The following SLC35F1 variants were observed in gnomAD, a reference collection of about 807,000 sequenced individuals.
SLC35F1 encodes chromosome 6 open reading frame 169.
A neutral mutation model predicts 48.7 loss-of-function variants in SLC35F1; 14 were observed. The observed-to-expected ratio is 0.29, with a 90% CI of 0.19 to 0.45. The LOEUF is 0.45. Ranked by LOEUF, SLC35F1 falls within the 20% of genes least tolerant of loss-of-function variation. The pLI, the probability that SLC35F1 is intolerant of heterozygous loss-of-function variation, is 1.00. For missense variants in SLC35F1, 404 were observed against 500.0 expected (o/e 0.81, Z 1.83); for synonymous variants, 190 against 202.2 (o/e 0.94, Z 0.51).
rs1776890626 is a variant in SLC35F1, at chr6:117,989,534, G to C, written c.173+81635G>C. Among the ~76,000 whole-genome samples, 3 of 152,168 alleles carry C rather than the reference G, an allele frequency of 2.0e-5. No individual in the cohort carries two copies. In the South Asian group the frequency reaches 6.2e-4, roughly 31 times the overall value. On this transcript the variant is annotated intron_variant, in intron 1 of 7. Coordinates refer to ENST00000360388, the MANE Select transcript of SLC35F1 (RefSeq NM_001029858.4). ...CAAACATTTAATCTTGGGATGTTCT[G>C]AGGCCTCTTTGGTTCACCGAGGGAG... is the stretch of plus-strand genomic sequence containing the variant.
intron 3 of SLC35F1, among the ~76,000 whole-genome samples, chr6:118,238,003 A>T (rs58145257): frequency 6.6e-6 from 1 of 152,288 alleles, no homozygotes; most frequent in African/African-American, 2.4e-5. Flanking sequence ...ACTAGAAAAA[A>T]ACATTGTTTC....
At chr6:118,190,708 T>C (rs941486083) in intron 2 of SLC35F1, among the ~76,000 whole-genome samples, 1 of 152,176 alleles carries the variant, frequency 6.6e-6, no homozygotes, top group African/African-American at 2.4e-5. Flanking sequence ...TCTACTATTG[T>C]GACTATGGGG....
intron 1 of SLC35F1, among the ~76,000 whole-genome samples, chr6:118,118,467 T>A (rs1368772514): frequency 6.6e-6 from 1 of 152,198 alleles, no homozygotes; most frequent in African/African-American, 2.4e-5. Flanking sequence ...TCATTTCTTT[T>A]CCTTCTATTT....
intron 2 of SLC35F1, among the ~76,000 whole-genome samples, chr6:118,161,547 G>A (rs1774234908): frequency 6.6e-6 from 1 of 152,106 alleles, no homozygotes; most frequent in African/African-American, 2.4e-5. Context: ...AGTCTGGTGA[G>A]GTAATATTCA....
chr6:118,208,706 G>A (rs963867848), intron 2 of SLC35F1, among the ~76,000 whole-genome samples: 1 of 152,106 alleles, frequency 6.6e-6, no homozygotes, highest in Non-Finnish European at 1.5e-5. Flanking sequence ...AAACACCTCT[G>A]TTAATATTTT....
chr6:118,292,242 G>T (rs938298960), intron 7 of SLC35F1, among the ~76,000 whole-genome samples: 2 of 152,204 alleles, frequency 1.3e-5, no homozygotes, highest in Non-Finnish European at 2.9e-5. Flanking sequence ...GTGTAGCCAG[G>T]GTTAGACCCC....
intron 1 of SLC35F1, among the ~76,000 whole-genome samples, chr6:118,104,304 C>G (rs974568762): frequency 1.3e-5 from 2 of 152,142 alleles, no homozygotes; most frequent in African/African-American, 4.8e-5. Flanking sequence ...TAAGTCTGAA[C>G]AGGGCCAAAT....
intron 1 of SLC35F1, among the ~76,000 whole-genome samples, chr6:118,053,967 T>A (rs1772427110): frequency 6.6e-6 from 1 of 152,240 alleles, no homozygotes; most frequent in African/African-American, 2.4e-5. Context: ...GCCACGTTGA[T>A]AGCACTGAAA....
intron 1 of SLC35F1, among the ~76,000 whole-genome samples, chr6:117,910,015 G>C (rs1461457473): frequency 6.6e-6 from 1 of 152,024 alleles, no homozygotes; most frequent in Non-Finnish European, 1.5e-5. Context: ...ATAATATTTT[G>C]TATTGAGTAA....
At chr6:117,941,248 A>C (rs2114819962) in intron 1 of SLC35F1, among the ~76,000 whole-genome samples, 1 of 152,328 alleles carries the variant, frequency 6.6e-6, no homozygotes, top group South Asian at 2.1e-4. Context: ...CTTGAGAAAA[A>C]CCTGTATTTA....
At chr6:118,220,082 G>C (rs1021797419) in intron 2 of SLC35F1, among the ~76,000 whole-genome samples, 2 of 151,856 alleles carry the variant, frequency 1.3e-5, no homozygotes, top group African/African-American at 4.8e-5. Context: ...ACGAGTAATG[G>C]GTGCAGCACA....
At chr6:118,180,930 T>G (rs1774566377) in intron 2 of SLC35F1, among the ~76,000 whole-genome samples, 1 of 151,934 alleles carries the variant, frequency 6.6e-6, no homozygotes, top group Admixed American at 6.6e-5. Flanking sequence ...TGCAGAACCC[T>G]AAGGAGACAA....
At position 118,051,263 on chromosome 6, in the gene SLC35F1, CA is replaced by C. The variant is rs1218142089; in HGVS notation, c.174-103176del. Among the ~76,000 whole-genome samples, 6 of 152,004 alleles carry C rather than the reference CA, an allele frequency of 3.9e-5. No homozygotes were observed. The East Asian group carries it at 7.7e-4, about 20-fold the overall frequency. On this transcript the variant is annotated intron_variant, in intron 1 of 7. Coordinates refer to ENST00000360388, the MANE Select transcript of SLC35F1 (RefSeq NM_001029858.4). ...CTTAGAAACATGGTATTTAATTTTC[CA>C]AAAAAGAAGCTCAAAGTGTATTTCC...
intron 1 of SLC35F1, among the ~76,000 whole-genome samples, chr6:117,965,231 C>T (rs1776545626): frequency 6.6e-6 from 1 of 152,152 alleles, no homozygotes; most frequent in African/African-American, 2.4e-5. Flanking sequence ...TCAGTTTCCA[C>T]CACCACTGCT....
At position 118,094,318 on chromosome 6, in the gene SLC35F1, G is replaced by A. The variant is rs1435423700; in HGVS notation, c.174-60127G>A. The stretch of plus-strand genomic sequence containing the variant: ...TAATGGGACCAGATGAAGTGGGTTT[G>A]TAAAGTATGTGATAAGTAAATGATG... On this transcript the variant is annotated intron_variant, in intron 1 of 7. Coordinates refer to ENST00000360388, the MANE Select transcript of SLC35F1 (RefSeq NM_001029858.4). 2.0e-5 allele frequency among the ~76,000 whole-genome samples: 3 copies of A among 152,162 alleles called. No individual in the cohort carries two copies. The East Asian group carries it at 5.8e-4, about 29-fold the overall frequency.
Position 118,235,634 on chromosome 6 carries a change from C to T in SLC35F1, c.475C>T (p.Gln159Ter). 1 of 1,611,732 alleles carries T rather than the reference C, an allele frequency of 6.2e-7. No individual in the cohort carries two copies. The highest frequency in any genetic ancestry group is 8.5e-7 in the Non-Finnish European group (1 of 1,179,070). Residue 159 changes from glutamine to a stop codon, truncating the protein, a stop_gained and splice_region_variant, in exon 3 of 8, where the codon CAG becomes TAG. Coordinates refer to ENST00000360388, the MANE Select transcript of SLC35F1 (RefSeq NM_001029858.4). LOFTEE classifies it high-confidence loss of function. Reference protein sequence around the residue: ...AYQYTTLTSIQLLDCFVIPVV... With the variant: ...AYQYTTLTSI The stretch of plus-strand genomic sequence containing the variant: ...CCAATACACAACTCTGACCAGTATC[C>T]AGGTACCCATGGTTCTTCTTCCCTT...
intron 1 of SLC35F1, among the ~76,000 whole-genome samples, chr6:118,008,685 A>T (rs1044956826): frequency 6.6e-6 from 1 of 152,174 alleles, no homozygotes; most frequent in African/African-American, 2.4e-5. Flanking sequence ...GAAAAACAGA[A>T]TTTTAACCTA....
intron 7 of SLC35F1, 110 bp from the exon 8 acceptor site, chr6:118,313,918 T>C: frequency 1.0e-6 from 1 of 975,540 alleles, no homozygotes; most frequent in Non-Finnish European, 1.6e-6. Flanking sequence ...CAACTCATCA[T>C]GCTGCCTGTT....
intron 3 of SLC35F1, among the ~76,000 whole-genome samples, chr6:118,259,328 G>A (rs577325858): frequency 6.6e-6 from 1 of 151,976 alleles, no homozygotes; most frequent in Admixed American, 6.6e-5. Flanking sequence ...TTGACAGTAT[G>A]CATCAAGAGT....
Sources: allele counts gnomAD v4.1 joint callset (sites outside exome capture counted in the v4.1 genomes callset), GRCh38; gene constraint gnomAD v4.1.1; transcripts MANE v1.5; gene names NCBI Gene and HGNC (gene_info 2026-07-23, HGNC 2026-07-21).